The following CFDP1 variants were observed in gnomAD, a reference collection of about 807,000 sequenced individuals.
CFDP1 encodes the protein heterochromatin-stabilizing protein CFDP1.
Under a neutral mutation model 40.1 loss-of-function variants are expected in CFDP1, and 31 were observed. The observed-to-expected ratio is 0.77, with a 90% CI of 0.58 to 1.04. The LOEUF (loss-of-function observed/expected upper bound fraction) is 1.04. CFDP1 is among the 50% of genes least tolerant of loss of function. The pLI is 0.00. For missense variants in CFDP1, 423 were observed against 343.4 expected (o/e 1.23, Z -1.83); for synonymous variants, 167 against 120.0 (o/e 1.39, Z -2.56).
intron 2 of CFDP1, 60 bp downstream of exon 2, chr16:75,414,518 G>A (rs1339111846): frequency 4.1e-6 from 4 of 968,196 alleles, no homozygotes; most frequent in South Asian, 2.7e-5. Context: ...ACCAATCTTA[G>A]CAATCAGGAT....
chr16:75,304,747 C>T (rs1366160303), intron 6 of CFDP1, among the ~76,000 whole-genome samples: 1 of 152,240 alleles, frequency 6.6e-6, no homozygotes, highest in East Asian at 1.9e-4. Context: ...TTACAGTTCA[C>T]TGGAGCTGTA....
intron 5 of CFDP1, among the ~76,000 whole-genome samples, chr16:75,366,313 C>G (rs774898656): frequency 2.2e-4 from 34 of 152,150 alleles, no homozygotes; most frequent in Non-Finnish European, 4.1e-4. Flanking sequence ...CCCAAAGATC[C>G]TCATTCATTC....
intron 5 of CFDP1, among the ~76,000 whole-genome samples, chr16:75,346,307 G>A (rs567380198): frequency 6.6e-6 from 1 of 152,262 alleles, no homozygotes; most frequent in African/African-American, 2.4e-5. Flanking sequence ...GGTAGGGCTG[G>A]GCATGGTGGC....
intron 5 of CFDP1, among the ~76,000 whole-genome samples, chr16:75,357,336 C>A (rs548744243): frequency 6.6e-6 from 1 of 152,208 alleles, no homozygotes; most frequent in East Asian, 1.9e-4. Flanking sequence ...TTCAGTGCAA[C>A]CTCCACCTCC....
Position 75,373,348 on chromosome 16 carries a change from C to T in CFDP1, c.650+21742G>A, listed in dbSNP as rs374896615. Among the ~76,000 whole-genome samples the T allele has an allele frequency of 4.6e-5, 7 of 152,256 alleles. No homozygotes were observed. The East Asian group carries it at 1.2e-3, about 25-fold the overall frequency. ...TCATTATCGTATTGGACTTTCTTCC[C>T]ACAAAATGACTGGCCTTATACCAAG... On this transcript the variant is annotated intron_variant, in intron 5 of 6. Transcript: ENST00000283882.
chr16:75,421,809 G>A (rs774639264), intron 1 of CFDP1, among the ~76,000 whole-genome samples: 4 of 152,016 alleles, frequency 2.6e-5, no homozygotes, highest in East Asian at 1.9e-4. Context: ...GACAAAATAC[G>A]GCTGTCCCTC....
intron 1 of CFDP1, among the ~76,000 whole-genome samples, chr16:75,421,333 C>A (rs933061921): frequency 6.6e-6 from 1 of 152,092 alleles, no homozygotes; most frequent in Non-Finnish European, 1.5e-5. Context: ...GGCTGTGGGA[C>A]AAGGACTCCA....
chr16:75,407,654 CAAAAAAAA>C (rs11456525), intron 4 of CFDP1, among the ~76,000 whole-genome samples: 1 of 116,794 alleles, frequency 8.6e-6, no homozygotes. Flanking sequence ...GACCCTGTCT[CAAAAAAAA>C]AAAAAAAAAA....
rs77279036 is a variant in CFDP1, at chr16:75,378,683, T to C, written c.650+16407A>G. ...ATAGTTAGTGCTACAATAAAGGCTA[T>C]TAAACAAATGCAGTTGCAAAGGGGT... On this transcript the variant is annotated intron_variant, in intron 5 of 6. Coordinates refer to ENST00000283882, the MANE Select transcript of CFDP1 (RefSeq NM_006324.3). Among the ~76,000 whole-genome samples the C allele has an allele frequency of 4.9e-4, 75 of 152,248 alleles. No homozygotes were observed. The East Asian group carries it at 0.014, about 29-fold the overall frequency.
intron 4 of CFDP1, among the ~76,000 whole-genome samples, chr16:75,401,546 G>C (rs1597386104): frequency 6.6e-6 from 1 of 151,976 alleles, no homozygotes; most frequent in Non-Finnish European, 1.5e-5. Flanking sequence ...GTTTCAGTGA[G>C]CTGAGATAGC....
intron 4 of CFDP1, among the ~76,000 whole-genome samples, chr16:75,408,107 A>AAAGG (rs1040755730): frequency 1.3e-5 from 2 of 151,618 alleles, no homozygotes; most frequent in Non-Finnish European, 2.9e-5. Flanking sequence ...CTGTCTCAAA[A>AAAGG]AAGGAAGGAA....
intron 5 of CFDP1, among the ~76,000 whole-genome samples, chr16:75,313,662 G>A (rs2078308324): frequency 1.3e-5 from 2 of 152,174 alleles, no homozygotes; most frequent in African/African-American, 2.4e-5. Context: ...GTGTGCGAAT[G>A]TTCATTCCAC....
intron 5 of CFDP1, among the ~76,000 whole-genome samples, chr16:75,361,448 G>A (rs992254138): frequency 6.6e-5 from 10 of 151,940 alleles, no homozygotes; most frequent in African/African-American, 1.9e-4. Context: ...GAATCCCCAC[G>A]TACACTAAAA....
At chr16:75,347,881 G>A (rs74498259) in intron 5 of CFDP1, among the ~76,000 whole-genome samples, 2,346 of 152,166 alleles carry the variant, frequency 0.015, 57 homozygotes, top group African/African-American at 0.053. Context: ...AAATCACGAA[G>A]CAAACCCAAA....
At chr16:75,303,486 C>A (rs2078236903) in intron 6 of CFDP1, among the ~76,000 whole-genome samples, 1 of 143,536 alleles carries the variant, frequency 7.0e-6, no homozygotes, top group Non-Finnish European at 1.5e-5. Context: ...AATCTTGAAG[C>A]CTAATTTAGA....
rs577070628 is a variant in CFDP1 at position 75,393,787 on chromosome 16, C to T, written c.650+1303G>A. On this transcript the variant is annotated intron_variant, in intron 5 of 6. Transcript: ENST00000283882. ...AAAAAAAAAAAAGTGGGGCCGGGCC[C>T]GGTGGCTCACGCCTGTAATCCTAGC... Among the ~76,000 whole-genome samples the T allele has an allele frequency of 7.6e-5, 11 of 144,776 alleles. No individual in the cohort carries two copies. In the East Asian group the frequency reaches 8.3e-4, roughly 11 times the overall value. The allele number at this position is 144,776 out of a possible 152,430, so 95.0% of individuals were successfully genotyped here.
At chr16:75,423,421 T>A (rs1358717359) in intron 1 of CFDP1, among the ~76,000 whole-genome samples, 1 of 152,100 alleles carries the variant, frequency 6.6e-6, no homozygotes, top group Non-Finnish European at 1.5e-5. Context: ...CACTCCAGTC[T>A]GGGTAATCAA....
At chr16:75,425,403 A>AC (rs1456553769) in intron 1 of CFDP1, among the ~76,000 whole-genome samples, 1 of 151,384 alleles carries the variant, frequency 6.6e-6, no homozygotes, top group Non-Finnish European at 1.5e-5. Flanking sequence ...AAAAAAAAAA[A>AC]AAAAAAAAAC....
chr16:75,423,538 G>A (rs553463531), intron 1 of CFDP1, among the ~76,000 whole-genome samples: 9 of 151,654 alleles, frequency 5.9e-5, no homozygotes, highest in Admixed American at 1.3e-4. Flanking sequence ...TTTTTGAGAC[G>A]GAGTCTCACT....
Sources: gnomAD v4.1 joint callset for allele counts (sites outside exome capture counted in the v4.1 genomes callset) on GRCh38, gnomAD v4.1.1 for gene constraint, MANE v1.5 for transcripts, NCBI Gene and HGNC (gene_info 2026-07-23, HGNC 2026-07-21) for gene names.